The following UGT2B4 variants were observed in gnomAD, a reference collection of about 807,000 sequenced individuals.
UGT2B4 encodes the protein UDP-glucuronosyltransferase 2B4.
In UGT2B4, 49 loss-of-function variants were observed where a neutral mutation model predicts 49.8. The observed-to-expected ratio is 0.98, with a 90% CI of 0.78 to 1.25. The LOEUF (loss-of-function observed/expected upper bound fraction) is 1.25, where lower values mean the gene tolerates loss of function less well. Among genes scored for constraint, UGT2B4 ranks in the 50% most tolerant of loss-of-function variants. The probability of loss-of-function intolerance (pLI) is 0.00; values close to 1 mark genes in which losing one functional copy is unlikely to be tolerated. For missense variants in UGT2B4, 729 were observed against 627.7 expected, an observed-to-expected ratio of 1.16 and a Z score of -1.73; for synonymous variants, 246 against 217.7, an observed-to-expected ratio of 1.13 and a Z score of -1.14.
At chr4:69,490,027 A>G (rs887258020) in intron 2 of UGT2B4, among the ~76,000 whole-genome samples, 1 of 152,154 alleles carries the variant, frequency 6.6e-6, no homozygotes, top group African/African-American at 2.4e-5. Context: ...GACTCTGAGC[A>G]CTGAGGAAAA....
intron 1 of UGT2B4, among the ~76,000 whole-genome samples, chr4:69,508,862 A>G (rs1560440902): frequency 6.6e-6 from 1 of 152,192 alleles, no homozygotes; most frequent in African/African-American, 2.4e-5. Context: ...TAAAAAGCAT[A>G]TATTTTAAGT....
chr4:69,481,262 C>A (rs891459382), intron 5 of UGT2B4, among the ~76,000 whole-genome samples: 1 of 151,896 alleles, frequency 6.6e-6, no homozygotes, highest in Admixed American at 6.6e-5. Flanking sequence ...AGTGAGACTT[C>A]CCTCTCAAAA....
At chr4:69,517,959 T>A (rs1728769864) in intron 1 of UGT2B4, 2 of 156,280 alleles carry the variant, frequency 1.3e-5, no homozygotes, top group Middle Eastern at 6.2e-4. Flanking sequence ...CTATAAGCAC[T>A]ACAGTTTAGT....
At chr4:69,525,259 G>A (rs567662246) in intron 1 of UGT2B4, among the ~76,000 whole-genome samples, 7 of 152,206 alleles carry the variant, frequency 4.6e-5, no homozygotes, top group Admixed American at 4.6e-4. Flanking sequence ...ATGTATATTA[G>A]TAGACTAAGT....
In UGT2B4 at chr4:69,495,295, G is replaced by C; in HGVS notation, c.567C>G (p.Phe189Leu). ...AIEKHSGGLL[F>L]PPSYVPVVMS... ...TAACAACAGGCACATAGGAAGGAGG[G>C]AACAGAAGTCCTCCACTATGCTTTT... The change falls in exon 1 of 6, where the codon TTC becomes TTG. Residue 189 changes from phenylalanine (F) to leucine (L), a missense_variant. Coordinates refer to ENST00000305107, the MANE Select transcript of UGT2B4 (RefSeq NM_021139.3). 6.2e-7 allele frequency: 1 copy of C among 1,613,406 alleles called. No homozygotes were observed. The highest frequency in any genetic ancestry group is 8.5e-7 in the Non-Finnish European group (1 of 1,179,752).
At chr4:69,508,376 A>G (rs1192294607) in intron 1 of UGT2B4, among the ~76,000 whole-genome samples, 1 of 152,192 alleles carries the variant, frequency 6.6e-6, no homozygotes, top group East Asian at 1.9e-4. Context: ...AATGTAAACA[A>G]TTCTATTATA....
intron 1 of UGT2B4, among the ~76,000 whole-genome samples, chr4:69,516,360 G>A (rs1321705645): frequency 6.6e-6 from 1 of 152,178 alleles, no homozygotes; most frequent in African/African-American, 2.4e-5. Context: ...TAATGGGAAC[G>A]CTGAGTCAAG....
intron 5 of UGT2B4, 24 bp from the exon 6 acceptor site, chr4:69,480,934 C>T (rs752234960): frequency 6.2e-7 from 1 of 1,607,842 alleles, no homozygotes; most frequent in Non-Finnish European, 8.5e-7. Context: ...AGAAAAGTAT[C>T]AACATTGAAA....
intron 1 of UGT2B4, chr4:69,518,442 T>A (rs531354108): frequency 6.6e-6 from 1 of 152,150 alleles, no homozygotes; most frequent in Non-Finnish European, 1.5e-5. Flanking sequence ...AGTTTGAGTG[T>A]TTACTGAGCA....
chr4:69,522,111 A>G (rs1297539789), intron 1 of UGT2B4, among the ~76,000 whole-genome samples: 2 of 152,228 alleles, frequency 1.3e-5, no homozygotes, highest in Non-Finnish European at 2.9e-5. Flanking sequence ...AGATGCAAAT[A>G]TATCTGTTAA....
chr4:69,509,915 C>A (rs1006441894), intron 1 of UGT2B4, among the ~76,000 whole-genome samples: 2 of 151,812 alleles, frequency 1.3e-5, no homozygotes, highest in African/African-American at 4.8e-5. Context: ...AGATCATATT[C>A]AAAAAAATTG....
chr4:69,515,800 A>T (rs1411221351), intron 1 of UGT2B4, among the ~76,000 whole-genome samples: 3 of 152,164 alleles, frequency 2.0e-5, no homozygotes, highest in Non-Finnish European at 4.4e-5. Context: ...GAATTAAAAA[A>T]AATTAAAAAC....
At chr4:69,497,930 G>A (rs1235164827), upstream of UGT2B4, among the ~76,000 whole-genome samples, 1 of 152,160 alleles carries the variant, frequency 6.6e-6, no homozygotes, top group Non-Finnish European at 1.5e-5. Flanking sequence ...TTAAGAAAGT[G>A]CCACAGTCAC....
At chr4:69,514,465 T>G (rs1728681414) in intron 1 of UGT2B4, among the ~76,000 whole-genome samples, 1 of 152,204 alleles carries the variant, frequency 6.6e-6, no homozygotes, top group Non-Finnish European at 1.5e-5. Flanking sequence ...TTCTATTCCC[T>G]GATTGTCATG....
At chr4:69,484,921 C>T (rs1456018965) in intron 5 of UGT2B4, among the ~76,000 whole-genome samples, 1 of 151,978 alleles carries the variant, frequency 6.6e-6, no homozygotes. Flanking sequence ...TTCCTTTCTA[C>T]TGTGGATTGA....
rs373333148 is a variant in UGT2B4 at position 69,485,240 on chromosome 4, G to C, written c.1278C>G (p.Leu426=). The change falls in exon 5 of 6, where the codon CTC becomes CTG. Residue 426 remains leucine (L), a synonymous_variant. Coordinates refer to ENST00000305107, the MANE Select transcript of UGT2B4 (RefSeq NM_021139.3). ...DFHTMSSTDL[L]NALKTVINDP... Reference sequence around the variant, plus strand: ...CATTAATTACTGTCTTCAGTGCATTGAGTAAGTCTGTACTCGACATTGTGT... The same window carrying C: ...CATTAATTACTGTCTTCAGTGCATTCAGTAAGTCTGTACTCGACATTGTGT... 2 of 1,613,774 alleles carry C rather than the reference G, an allele frequency of 1.2e-6. No individual in the cohort carries two copies. The highest frequency in any genetic ancestry group is 1.7e-5 in the Admixed American group (1 of 59,990).
chr4:69,500,916 C>A (rs1278664906), intron 1 of UGT2B4, among the ~76,000 whole-genome samples: 1 of 151,862 alleles, frequency 6.6e-6, no homozygotes, highest in Non-Finnish European at 1.5e-5. Flanking sequence ...TGTGTAGAGA[C>A]CTGGGAGTTT....
Position 69,504,313 on chromosome 4 carries a change from A to T in UGT2B4, c.-105-8347T>A, listed in dbSNP as rs574618993. 7.2e-4 allele frequency among the ~76,000 whole-genome samples: 110 copies of T among 152,300 alleles called. 1 individual carries two copies. The highest frequency in any genetic ancestry group is 2.4e-3 in the African/African-American group (99 of 41,582). On this transcript the variant is annotated intron_variant, in intron 1 of 1. Coordinates refer to the UGT2B4 transcript ENST00000510114. ...ACAAGTACATTGTAACCCAAAAACA[A>T]GAAAGTCAAAAATGATAATAAATTA...
In UGT2B4 at chr4:69,495,818, C is replaced by T. The variant is rs1198813808; in HGVS notation, c.44G>A (p.Ser15Asn). Residue 15 changes from serine (S) to asparagine (N), a missense_variant, in exon 1 of 6, where the codon AGC (serine) becomes AAC (asparagine). Coordinates refer to ENST00000305107, the MANE Select transcript of UGT2B4 (RefSeq NM_021139.3). ...WTSALLLIQL[S>N]CYFSSGSCGK... Reference sequence around the variant, plus strand: ...ACAACTCCCAGAGCTAAAGTAACAGCTCAGCTGTATCAGCAGAAGAGCTGA... The same window carrying T: ...ACAACTCCCAGAGCTAAAGTAACAGTTCAGCTGTATCAGCAGAAGAGCTGA... 1 of 1,610,698 alleles carries T rather than the reference C, an allele frequency of 6.2e-7. No homozygotes were observed. The highest frequency in any genetic ancestry group is 8.5e-7 in the Non-Finnish European group (1 of 1,179,060).
Sources: gnomAD v4.1 joint callset for allele counts (sites outside exome capture counted in the v4.1 genomes callset) on GRCh38, gnomAD v4.1.1 for gene constraint, MANE v1.5 for transcripts, NCBI Gene and HGNC (gene_info 2026-07-23, HGNC 2026-07-21) for gene names.